Variants in AOAH observed in about 807,000 individuals in gnomAD.
The protein encoded by AOAH is acyloxyacyl hydrolase (neutrophil).
AOAH carries 64 observed loss-of-function variants against 92.2 expected under a neutral mutation model. That is an observed-to-expected ratio of 0.69 (90% CI 0.57 to 0.86). The LOEUF (loss-of-function observed/expected upper bound fraction) is 0.86, where lower values mean the gene tolerates loss of function less well. Ranked by LOEUF, AOAH falls within the 40% of genes least tolerant of loss-of-function variation. The probability of loss-of-function intolerance (pLI) is 0.00; values close to 1 mark genes in which losing one functional copy is unlikely to be tolerated. For missense variants in AOAH, 656 were observed against 694.6 expected, an observed-to-expected ratio of 0.94 and a Z score of 0.62; for synonymous variants, 263 against 254.5, an observed-to-expected ratio of 1.03 and a Z score of -0.32.
intron 20 of AOAH, among the ~76,000 whole-genome samples, chr7:36,513,732 G>A (rs930299304): frequency 1.3e-5 from 2 of 152,164 alleles, no homozygotes; most frequent in Non-Finnish European, 1.5e-5. Flanking sequence ...CAGTCTCAAC[G>A]GGAATGAATC....
At chr7:36,608,464 T>G (rs866782456) in intron 11 of AOAH, among the ~76,000 whole-genome samples, 1 of 152,254 alleles carries the variant, frequency 6.6e-6, no homozygotes, top group African/African-American at 2.4e-5. Context: ...TTGTCCACAT[T>G]GTCTCAGGCC....
At chr7:36,559,932 A>G (rs1170053145) in intron 13 of AOAH, among the ~76,000 whole-genome samples, 1 of 152,154 alleles carries the variant, frequency 6.6e-6, no homozygotes, top group Admixed American at 6.6e-5. Context: ...TAGGGGTCCA[A>G]TTTTATTCTT....
intron 15 of AOAH, among the ~76,000 whole-genome samples, chr7:36,543,386 G>A (rs1039091581): frequency 1.3e-5 from 2 of 152,136 alleles, no homozygotes; most frequent in African/African-American, 4.8e-5. Context: ...CAAGTTGGGT[G>A]TCTATATCCT....
chr7:36,559,037 T>C (rs1787054955), intron 13 of AOAH, among the ~76,000 whole-genome samples: 1 of 152,240 alleles, frequency 6.6e-6, no homozygotes, highest in African/African-American at 2.4e-5. Flanking sequence ...GTACCTCAGA[T>C]GGAAATGCAG....
At chr7:36,664,625 G>A (rs1168585428) in intron 3 of AOAH, among the ~76,000 whole-genome samples, 1 of 152,026 alleles carries the variant, frequency 6.6e-6, no homozygotes, top group Non-Finnish European at 1.5e-5. Context: ...ATAAACTTTA[G>A]AATCAATGTG....
intron 4 of AOAH, among the ~76,000 whole-genome samples, chr7:36,643,700 C>T (rs1258729420): frequency 6.6e-6 from 1 of 152,146 alleles, no homozygotes; most frequent in Non-Finnish European, 1.5e-5. Context: ...TTGTAACCCA[C>T]AATATTGGAG....
intron 16 of AOAH, among the ~76,000 whole-genome samples, chr7:36,535,067 T>A (rs1784952017): frequency 8.2e-6 from 1 of 122,372 alleles, no homozygotes. Context: ...TGTGTGTGTA[T>A]CCGTGTGTGT....
chr7:36,526,028 G>A (rs2392442), intron 19 of AOAH, among the ~76,000 whole-genome samples: 147,987 of 152,248 alleles, frequency 0.97, 72,057 homozygotes, highest in East Asian at 1. Flanking sequence ...TCCACCTTTT[G>A]TCATCACCAT....
chr7:36,650,008 G>A (rs1646503062), intron 4 of AOAH, among the ~76,000 whole-genome samples: 2 of 152,160 alleles, frequency 1.3e-5, no homozygotes, highest in South Asian at 4.2e-4. Flanking sequence ...AACACTCACT[G>A]CATGGCCCAA....
At position 36,513,114 on chromosome 7, in the gene AOAH, G is replaced by A. The variant is rs570737357; in HGVS notation, c.*138C>T. The stretch of plus-strand genomic sequence containing the variant: ...CGTCCAGATATGCTCTTCATTGAGA[G>A]AAAGACATTTTGCAAAGATGCTGCT... On this transcript the variant is annotated 3_prime_UTR_variant, in exon 21 of 21. Transcript: ENST00000617537. 2,252 of 1,604,086 alleles carry A rather than the reference G, an allele frequency of 1.4e-3. 8 individuals carry two copies. The highest frequency in any genetic ancestry group is 1.8e-3 in the South Asian group (162 of 90,788).
chr7:36,662,876 C>CA (rs1176311572), intron 3 of AOAH, among the ~76,000 whole-genome samples: 7 of 152,208 alleles, frequency 4.6e-5, no homozygotes, highest in African/African-American at 1.4e-4. Flanking sequence ...GATTTATCAT[C>CA]AAAAAGACAT....
chr7:36,589,421 C>T (rs958272327), intron 12 of AOAH, among the ~76,000 whole-genome samples: 5 of 152,210 alleles, frequency 3.3e-5, no homozygotes, highest in Admixed American at 3.3e-4. Context: ...ACTTCAGGCT[C>T]TGACCCATAA....
chr7:36,642,827 C>T (rs1793998993), intron 4 of AOAH, among the ~76,000 whole-genome samples: 1 of 152,156 alleles, frequency 6.6e-6, no homozygotes, highest in Admixed American at 6.5e-5. Context: ...GTCTCTATTG[C>T]TATTTCCTAT....
At chr7:36,563,701 C>T (rs149271281) in intron 13 of AOAH, among the ~76,000 whole-genome samples, 32 of 152,082 alleles carry the variant, frequency 2.1e-4, no homozygotes, top group Middle Eastern at 6.8e-3. Flanking sequence ...TTTTTGAACA[C>T]GAGTTAGAAT....
chr7:36,560,375 T>G (rs1428666815), intron 13 of AOAH, among the ~76,000 whole-genome samples: 1 of 152,214 alleles, frequency 6.6e-6, no homozygotes, highest in Non-Finnish European at 1.5e-5. Flanking sequence ...ACATGGAATA[T>G]TTTTCCATTT....
chr7:36,534,565 G>A (rs1214814891), intron 16 of AOAH, among the ~76,000 whole-genome samples: 3 of 152,230 alleles, frequency 2.0e-5, no homozygotes, highest in Non-Finnish European at 4.4e-5. Flanking sequence ...TTCGAGGAAG[G>A]GAAGAGGGAA....
Position 36,615,079 on chromosome 7 carries a change from T to A in AOAH, c.846+1301A>T, listed in dbSNP as rs142899443. Among the ~76,000 whole-genome samples, 4 of 152,276 alleles carry A rather than the reference T, an allele frequency of 2.6e-5. No homozygotes were observed. The East Asian group carries it at 7.7e-4, about 29-fold the overall frequency. ...TGTGCTCCTGGGAAGCCTCTATTCC[T>A]CCTTCCAAACTTCCCGAGTCTGGCT... On this transcript the variant is annotated intron_variant, in intron 11 of 20. Transcript: ENST00000617537.
At chr7:36,591,165 A>G (rs1583889106) in intron 12 of AOAH, among the ~76,000 whole-genome samples, 1 of 152,230 alleles carries the variant, frequency 6.6e-6, no homozygotes, top group Non-Finnish European at 1.5e-5. Flanking sequence ...ACACAGGCAC[A>G]GTACACAGAA....
At chr7:36,515,741 C>A (rs1464222022) in intron 20 of AOAH, among the ~76,000 whole-genome samples, 1 of 129,782 alleles carries the variant, frequency 7.7e-6, no homozygotes, top group Non-Finnish European at 1.6e-5. Flanking sequence ...ACACACACAC[C>A]ACACACCACA....
Sources: allele counts gnomAD v4.1 joint callset (sites outside exome capture counted in the v4.1 genomes callset), GRCh38; gene constraint gnomAD v4.1.1; transcripts MANE v1.5; gene names NCBI Gene and HGNC (gene_info 2026-07-23, HGNC 2026-07-21).